RYR3: variants seen among roughly 807,000 people sequenced by gnomAD.
RYR3 encodes brain ryanodine receptor-calcium release channel.
RYR3 carries 207 observed loss-of-function variants against 584.3 expected under a neutral mutation model. The observed-to-expected ratio is 0.35, with a 90% CI of 0.32 to 0.40. The LOEUF (loss-of-function observed/expected upper bound fraction) is 0.40, where lower values mean the gene tolerates loss of function less well. Ranked by LOEUF, RYR3 falls within the 10% of genes least tolerant of loss-of-function variation. RYR3 has a pLI of 1.00. For synonymous variants in RYR3, 2,416 were observed against 2,248.5 expected (o/e 1.07, Z -2.11); for missense variants, 5,616 against 6,089.2 (o/e 0.92, Z 2.59).
intron 68 of RYR3, 139 bp downstream of exon 68, chr15:33,800,996 C>T: frequency 3.0e-6 from 2 of 662,256 alleles, no homozygotes; most frequent in Non-Finnish European, 5.4e-6. Context: ...CGACCCATGA[C>T]ACTGCCTCAG....
intron 30 of RYR3, 62 bp downstream of exon 30, chr15:33,647,522 G>T (rs1784703721): frequency 1.2e-5 from 14 of 1,181,084 alleles, no homozygotes; most frequent in Non-Finnish European, 1.8e-5. Context: ...CTGGTAATAT[G>T]CCCCTTACAG....
At chr15:33,647,557 T>A (rs551383104) in intron 30 of RYR3, 97 bp downstream of exon 30, 51 of 832,024 alleles carry the variant, frequency 6.1e-5, no homozygotes, top group Non-Finnish European at 9.0e-5. Context: ...GAGATCCTCT[T>A]TAATTGCCAA....
chr15:33,623,996 C>G lies in RYR3; in HGVS notation c.2547C>G (p.Phe849Leu). The G allele has an allele frequency of 6.2e-7, 1 of 1,613,914 alleles. No individual in the cohort carries two copies. The highest frequency in any genetic ancestry group is 1.1e-5 in the South Asian group (1 of 91,084). Residue 849 changes from phenylalanine to leucine, a missense_variant, in exon 20 of 104, where the codon TTC (phenylalanine) becomes TTG (leucine). By Grantham distance (22) the Phe-to-Leu change is conservative. This residue lies in a region of RYR3 where 1,284 missense variants were observed against 1,344.6 expected (regional missense o/e 0.95). Coordinates refer to ENST00000634891, the MANE Select transcript of RYR3 (RefSeq NM_001036.6). ...GTTQFLSQAS[F>L]IPCPVDTSQV... is the part of the protein sequence containing the mutation. ...CCCAGTTCCTCTCCCAAGCCTCTTT[C>G]ATCCCATGCCCCGTAGACACCAGTC...
chr15:33,660,948 G>A (rs2063125737), intron 34 of RYR3, among the ~76,000 whole-genome samples: 1 of 152,220 alleles, frequency 6.6e-6, no homozygotes, highest in African/African-American at 2.4e-5. Context: ...AAAATAATGA[G>A]ATTGTATAAG....
At position 33,644,300 on chromosome 15, in the gene RYR3, C is replaced by T. The variant is rs773130581; in HGVS notation, c.3557-11C>T. ...TTCGGGCTAAAGCAGGTCTCTCTAACTCTTCTGCAGGCTTCGTGCCCATCT... is the reference window on the plus strand; with the variant it reads ...TTCGGGCTAAAGCAGGTCTCTCTAATTCTTCTGCAGGCTTCGTGCCCATCT... On this transcript the variant is annotated splice_polypyrimidine_tract_variant and intron_variant, in intron 27 of 103. Coordinates refer to ENST00000634891, the MANE Select transcript of RYR3 (RefSeq NM_001036.6). The T allele has an allele frequency of 1.2e-6, 2 of 1,602,596 alleles. No individual in the cohort carries two copies. Among genetic ancestry groups the T allele is most frequent in the Non-Finnish European group, 1.7e-6 (2 of 1,174,326 alleles).
At chr15:33,864,220 A>C (rs764777228) in intron 103 of RYR3, 31 bp downstream of exon 103, 10 of 1,555,176 alleles carry the variant, frequency 6.4e-6, no homozygotes, top group African/African-American at 1.4e-5. Context: ...TACCCGTGTT[A>C]GATCTCCCTT....
At chr15:33,651,997 T>C (rs2062504538) in intron 31 of RYR3, among the ~76,000 whole-genome samples, 1 of 152,202 alleles carries the variant, frequency 6.6e-6, no homozygotes, top group African/African-American at 2.4e-5. Flanking sequence ...AATCAGGCTT[T>C]GGGAGCCTTA....
At chr15:33,641,083 G>A (rs1256122910) in intron 27 of RYR3, among the ~76,000 whole-genome samples, 1 of 152,212 alleles carries the variant, frequency 6.6e-6, no homozygotes, top group East Asian at 1.9e-4. Context: ...TTGTGGTTAT[G>A]GGTCTCCATC....
chr15:33,402,869 G>C (rs1244805745), intron 1 of RYR3, among the ~76,000 whole-genome samples: 2 of 152,200 alleles, frequency 1.3e-5, no homozygotes, highest in Non-Finnish European at 2.9e-5. Flanking sequence ...TAATTAGGTT[G>C]ACCATGGTGT....
intron 2 of RYR3, among the ~76,000 whole-genome samples, chr15:33,503,418 A>C (rs896124101): frequency 6.6e-6 from 1 of 152,194 alleles, no homozygotes. Context: ...GACATGTTGG[A>C]AACTATTCCC....
chr15:33,659,235 G>T (rs1295776881), intron 32 of RYR3, among the ~76,000 whole-genome samples: 1 of 152,136 alleles, frequency 6.6e-6, no homozygotes, highest in Non-Finnish European at 1.5e-5. Context: ...CCCTACCATG[G>T]GATCTCCATG....
intron 19 of RYR3, 137 bp from the exon 20 acceptor site, chr15:33,623,670 T>G: frequency 1.6e-6 from 1 of 636,844 alleles, no homozygotes; most frequent in South Asian, 2.0e-5. Context: ...ATGTTTGCTG[T>G]GGTTAACCTG....
intron 58 of RYR3, among the ~76,000 whole-genome samples, chr15:33,755,731 A>G (rs1452223789): frequency 6.6e-6 from 1 of 152,178 alleles, no homozygotes; most frequent in African/African-American, 2.4e-5. Flanking sequence ...GTCTTGCTTT[A>G]TGACTGTGGA....
chr15:33,394,557 T>C (rs568845825), intron 1 of RYR3, among the ~76,000 whole-genome samples: 2 of 152,368 alleles, frequency 1.3e-5, no homozygotes, highest in East Asian at 3.9e-4. Context: ...TCACTTTGGC[T>C]GCTGAGCTGA....
At chr15:33,831,121 CAA>C (rs1567267946) in intron 86 of RYR3, 30 bp downstream of exon 86, 3 of 1,600,272 alleles carry the variant, frequency 1.9e-6, no homozygotes, top group South Asian at 2.2e-5. Context: ...TGGTTGAAAA[CAA>C]AGAGAACATT....
chr15:33,660,147 C>A (rs1243604033), intron 33 of RYR3, 50 bp from the exon 34 acceptor site: 1 of 1,308,800 alleles, frequency 7.6e-7, no homozygotes. Flanking sequence ...CTGGGTGCGT[C>A]ATCCAGCAAC....
In RYR3 at chr15:33,708,273, G is replaced by A. The variant is rs55843824; in HGVS notation, c.6619+1219G>A. 7.9e-3 allele frequency among the ~76,000 whole-genome samples: 1,204 copies of A among 152,240 alleles called. 4 individuals are homozygous for A. Among genetic ancestry groups the A allele is most frequent in the Non-Finnish European group, 0.013 (861 of 68,008 alleles). ...TGGATATTAAGAATTTATACAGCTCGCCAAATTATGTAAATAGATTGTTTG... is the reference window on the plus strand; with the variant it reads ...TGGATATTAAGAATTTATACAGCTCACCAAATTATGTAAATAGATTGTTTG... On this transcript the variant is annotated intron_variant, in intron 43 of 103. Coordinates refer to ENST00000634891, the MANE Select transcript of RYR3 (RefSeq NM_001036.6).
intron 2 of RYR3, among the ~76,000 whole-genome samples, chr15:33,488,160 C>T (rs1379963482): frequency 6.6e-6 from 1 of 152,120 alleles, no homozygotes; most frequent in East Asian, 1.9e-4. Context: ...AATACCAAAC[C>T]CCTCTTCTTA....
At chr15:33,561,893 T>C (rs763557443) in intron 10 of RYR3, among the ~76,000 whole-genome samples, 4 of 150,458 alleles carry the variant, frequency 2.7e-5, no homozygotes, top group Non-Finnish European at 4.4e-5. Flanking sequence ...AGTGAGACCC[T>C]GGGCTCAAAA....
Sources: allele counts gnomAD v4.1 joint callset (sites outside exome capture counted in the v4.1 genomes callset), GRCh38; gene constraint gnomAD v4.1.1; regional missense constraint gnomAD v4.1.1; transcripts MANE v1.5; gene names NCBI Gene and HGNC (gene_info 2026-07-23, HGNC 2026-07-21).